The following DACH1 variants were observed in gnomAD, a reference collection of about 807,000 sequenced individuals.
DACH1 encodes dachshund homolog 1.
Under a neutral mutation model 54.2 loss-of-function variants are expected in DACH1, and 12 were observed. The ratio of observed to expected loss-of-function variants is 0.22; its 90% confidence interval spans 0.14 to 0.36. The LOEUF (loss-of-function observed/expected upper bound fraction) is 0.36. Among genes scored for constraint, DACH1 ranks in the 10% least tolerant of loss-of-function variants. DACH1 has a pLI of 1.00. For synonymous variants in DACH1, 386 were observed against 366.2 expected (o/e 1.05, Z -0.62); for missense variants, 805 against 929.8 (o/e 0.87, Z 1.75).
In DACH1 at chr13:71,675,240, T is replaced by C. The variant is rs534887926; in HGVS notation, c.964+6555A>G. On this transcript the variant is annotated intron_variant, in intron 2 of 10. Transcript: ENST00000613252. Reference sequence around the variant, plus strand: ...AAGTTAGACGTTATCAGAAGTCCACTGAACTTCTGATTCGCAGACTTCCCT... The same window carrying C: ...AAGTTAGACGTTATCAGAAGTCCACCGAACTTCTGATTCGCAGACTTCCCT... 57 of 1,573,960 alleles carry C rather than the reference T, an allele frequency of 3.6e-5. No homozygotes were observed. In the South Asian group the frequency reaches 4.4e-4, roughly 12 times the overall value.
chr13:71,781,257 C>A (rs2138066468), intron 1 of DACH1, among the ~76,000 whole-genome samples: 1 of 152,242 alleles, frequency 6.6e-6, no homozygotes, highest in East Asian at 1.9e-4. Context: ...CCACAGTGAA[C>A]CTGCACACAG....
chr13:71,731,982 G>A (rs540047462), intron 1 of DACH1, among the ~76,000 whole-genome samples: 82 of 152,278 alleles, frequency 5.4e-4, no homozygotes, highest in African/African-American at 1.7e-3. Flanking sequence ...ATTTCTGAAT[G>A]TAAACTGCTA....
chr13:71,515,218 A>T lies in DACH1; in HGVS notation c.1571-26070T>A, dbSNP rs763055564. Among the ~76,000 whole-genome samples, 54 of 151,928 alleles carry T rather than the reference A, an allele frequency of 3.6e-4. 1 individual carries two copies. The highest frequency in any genetic ancestry group is 6.3e-4 in the Non-Finnish European group (43 of 67,910). Reference sequence around the variant, plus strand: ...GAAATTTTTAAAAAAGATAATATTGAAGTAAAAATGTTAATGTGTTTAGGT... The same window carrying T: ...GAAATTTTTAAAAAAGATAATATTGTAGTAAAAATGTTAATGTGTTTAGGT... On this transcript the variant is annotated intron_variant, in intron 6 of 10. Transcript: ENST00000613252.
chr13:71,836,752 T>A (rs1168524415), intron 1 of DACH1, among the ~76,000 whole-genome samples: 2 of 152,058 alleles, frequency 1.3e-5, no homozygotes, highest in Non-Finnish European at 2.9e-5. Flanking sequence ...GACCACTTTA[T>A]TTAAAATTTC....
At chr13:71,635,972 T>A (rs1444695436) in intron 2 of DACH1, among the ~76,000 whole-genome samples, 1 of 152,010 alleles carries the variant, frequency 6.6e-6, no homozygotes, top group Non-Finnish European at 1.5e-5. Context: ...TTAGTAGAGA[T>A]GGGGTTTCAC....
chr13:71,466,845 CAAAA>C (rs55861394), intron 10 of DACH1, among the ~76,000 whole-genome samples: 1 of 99,452 alleles, frequency 1.0e-5, no homozygotes, highest in African/African-American at 3.9e-5. Context: ...CACCCTGTCT[CAAAA>C]AAAAAAAAAA....
chr13:71,753,577 A>T (rs531955347), intron 1 of DACH1, among the ~76,000 whole-genome samples: 1 of 152,288 alleles, frequency 6.6e-6, no homozygotes, highest in Admixed American at 6.5e-5. Context: ...AAAAGTACAA[A>T]CATTCATAGA....
At chr13:71,795,506 G>A (rs974115980) in intron 1 of DACH1, among the ~76,000 whole-genome samples, 4 of 152,182 alleles carry the variant, frequency 2.6e-5, no homozygotes, top group African/African-American at 9.6e-5. Context: ...TAATCCCACA[G>A]CATTCTCATT....
At chr13:71,832,829 T>C (rs976383789) in intron 1 of DACH1, among the ~76,000 whole-genome samples, 2 of 152,072 alleles carry the variant, frequency 1.3e-5, no homozygotes, top group Non-Finnish European at 1.5e-5. Context: ...TTAAGTTAAA[T>C]GACCAAGCCA....
chr13:71,599,770 A>T lies in DACH1; in HGVS notation c.1127-26758T>A, dbSNP rs551168668. Among the ~76,000 whole-genome samples, 5 of 152,010 alleles carry T rather than the reference A, an allele frequency of 3.3e-5. No homozygotes were observed. In the South Asian group the frequency reaches 1.0e-3, roughly 32 times the overall value. ...TTATGCTAATGTTAATTTTTTTTAC[A>T]TGTATATAAAAAGACTTTCCTTTTT... On this transcript the variant is annotated intron_variant, in intron 3 of 10. Coordinates refer to ENST00000613252, the MANE Select transcript of DACH1 (RefSeq NM_080759.6).
intron 1 of DACH1, among the ~76,000 whole-genome samples, chr13:71,841,480 A>G (rs1450038555): frequency 2.0e-5 from 3 of 152,188 alleles, no homozygotes; most frequent in African/African-American, 4.8e-5. Context: ...GTTCTTTGTC[A>G]GAGCCTGGAT....
intron 6 of DACH1, among the ~76,000 whole-genome samples, chr13:71,518,072 T>G (rs924016733): frequency 1.3e-5 from 2 of 151,898 alleles, no homozygotes; most frequent in Non-Finnish European, 2.9e-5. Context: ...GACAATTTAA[T>G]CATTAATATG....
chr13:71,598,413 C>T (rs551050318), intron 3 of DACH1, among the ~76,000 whole-genome samples: 27 of 151,972 alleles, frequency 1.8e-4, no homozygotes, highest in Non-Finnish European at 2.8e-4. Flanking sequence ...CGCCACCACG[C>T]CCGGCTAATT....
intron 1 of DACH1, among the ~76,000 whole-genome samples, chr13:71,802,704 G>T (rs1391300137): frequency 6.6e-6 from 1 of 151,780 alleles, no homozygotes; most frequent in Non-Finnish European, 1.5e-5. Context: ...AGGCTTTTGT[G>T]AATAATGAAA....
Position 71,570,166 on chromosome 13 carries a change from C to T in DACH1, c.1299+2674G>A, listed in dbSNP as rs754548928. Among the ~76,000 whole-genome samples, 4 of 152,194 alleles carry T rather than the reference C, an allele frequency of 2.6e-5. No homozygotes were observed. The East Asian group carries it at 7.7e-4, about 29-fold the overall frequency. ...ACAGGTTGATTTGTTAACTTCTCCT[C>T]TCTAATACTTAGAACTTCTTGGAGG... is the stretch of plus-strand genomic sequence containing the variant. On this transcript the variant is annotated intron_variant, in intron 4 of 10. Coordinates refer to ENST00000613252, the MANE Select transcript of DACH1 (RefSeq NM_080759.6).
intron 3 of DACH1, among the ~76,000 whole-genome samples, chr13:71,609,061 C>A (rs1042480386): frequency 1.3e-5 from 2 of 151,906 alleles, no homozygotes; most frequent in African/African-American, 4.8e-5. Context: ...AGTAATAATC[C>A]TTCCTTTAAA....
At chr13:71,761,000 C>T (rs1885379874) in intron 1 of DACH1, among the ~76,000 whole-genome samples, 1 of 151,962 alleles carries the variant, frequency 6.6e-6, no homozygotes, top group Non-Finnish European at 1.5e-5. Context: ...TTAAATCCTT[C>T]ATCTTGTATG....
chr13:71,585,362 G>C (rs1272783098), intron 3 of DACH1, among the ~76,000 whole-genome samples: 1 of 152,156 alleles, frequency 6.6e-6, no homozygotes, highest in Non-Finnish European at 1.5e-5. Flanking sequence ...CTTTGCTGAG[G>C]ATGGCACCAT....
At chr13:71,780,780 T>C (rs1270466842) in intron 1 of DACH1, among the ~76,000 whole-genome samples, 1 of 152,202 alleles carries the variant, frequency 6.6e-6, no homozygotes, top group Non-Finnish European at 1.5e-5. Flanking sequence ...CCTGCCTTTT[T>C]AATGTTTTGT....
Sources: gnomAD v4.1 joint callset for allele counts (sites outside exome capture counted in the v4.1 genomes callset) on GRCh38, gnomAD v4.1.1 for gene constraint, MANE v1.5 for transcripts, NCBI Gene and HGNC (gene_info 2026-07-23, HGNC 2026-07-21) for gene names.